Variants in HRH2 observed in about 807,000 individuals in gnomAD.
HRH2 encodes the protein histamine receptor H2.
A neutral mutation model predicts 20.1 loss-of-function variants in HRH2; 4 were observed. That is an observed-to-expected ratio of 0.20 (90% CI 0.10 to 0.45). HRH2 has a LOEUF of 0.45. HRH2 is among the 20% of genes least tolerant of loss of function. The pLI is 0.99. For missense variants in HRH2, 250 were observed against 461.6 expected (o/e 0.54, Z 4.20); for synonymous variants, 197 against 200.7 (o/e 0.98, Z 0.16).
intron 1 of HRH2, among the ~76,000 whole-genome samples, chr5:175,669,946 T>G (rs984938708): frequency 2.6e-5 from 4 of 152,236 alleles, no homozygotes. Flanking sequence ...GACACTTCTG[T>G]GACTTGATGC....
intron 1 of HRH2, among the ~76,000 whole-genome samples, chr5:175,658,361 C>A (rs1011836985): frequency 2.6e-5 from 4 of 152,164 alleles, no homozygotes; most frequent in Non-Finnish European, 5.9e-5. Context: ...GCCTGGCCTG[C>A]GAGCCTCAGT....
rs756759549 is a variant in HRH2, at chr5:175,684,334, C to T, written c.1076+25C>T. 105 of 1,606,858 alleles carry T rather than the reference C, an allele frequency of 6.5e-5. 1 individual carries two copies. In the South Asian group the frequency reaches 1.1e-3, roughly 17 times the overall value. On this transcript the variant is annotated intron_variant, in intron 2 of 2. Coordinates refer to ENST00000636584, the MANE Select transcript of HRH2 (RefSeq NM_001367711.1). Reference sequence around the variant, plus strand: ...GGTAATAGCCCTAGCCATTGGTGCACAGGATGGGGGCAATGGGAGGGGATG... The same window carrying T: ...GGTAATAGCCCTAGCCATTGGTGCATAGGATGGGGGCAATGGGAGGGGATG...
chr5:175,665,234 C>T lies in HRH2; in HGVS notation c.-526+7079C>T, dbSNP rs1762851522. Among the ~76,000 whole-genome samples, 7 of 152,146 alleles carry T rather than the reference C, an allele frequency of 4.6e-5. No homozygotes were observed. In the South Asian group the frequency reaches 1.5e-3, roughly 32 times the overall value. On this transcript the variant is annotated intron_variant, in intron 1 of 2. Coordinates refer to ENST00000636584, the MANE Select transcript of HRH2 (RefSeq NM_001367711.1). The stretch of plus-strand genomic sequence containing the variant: ...ATGACACAGGAACAGCTGATGCCAG[C>T]CTCCCGGGGTTCCTGCTACGACCGA...
intron 2 of HRH2, among the ~76,000 whole-genome samples, chr5:175,692,824 C>G (rs1159637198): frequency 6.6e-6 from 1 of 152,178 alleles, no homozygotes; most frequent in African/African-American, 2.4e-5. Context: ...TGCCAACCCC[C>G]CAACTGTGTT....
chr5:175,706,995 G>A (rs1368778924), intron 2 of HRH2, among the ~76,000 whole-genome samples: 1 of 152,142 alleles, frequency 6.6e-6, no homozygotes, highest in East Asian at 1.9e-4. Flanking sequence ...CCCAACTCGG[G>A]GCATGCTGCA....
chr5:175,667,803 A>G (rs1762952835), intron 1 of HRH2, among the ~76,000 whole-genome samples: 1 of 152,186 alleles, frequency 6.6e-6, no homozygotes, highest in South Asian at 2.1e-4. Flanking sequence ...AATATTGCCT[A>G]TTGTCGAGAA....
chr5:175,687,341 C>T lies in HRH2; in HGVS notation c.1076+3032C>T, dbSNP rs1358643859. 1.3e-5 allele frequency among the ~76,000 whole-genome samples: 2 copies of T among 152,194 alleles called. No homozygotes were observed. The highest frequency in any genetic ancestry group is 2.9e-5 in the Non-Finnish European group (2 of 68,036). ...CTCCAGCTCTCCGTCTGGGGACAAA[C>T]CCGCACTGACCCAGAGCCGTTATCA... On this transcript the variant is annotated intron_variant, in intron 2 of 2. Transcript: ENST00000636584. The surrounding 1 kb of genome is among the most constrained non-coding windows in gnomAD (Gnocchi z 5.2).
intron 2 of HRH2, among the ~76,000 whole-genome samples, chr5:175,706,890 G>A (rs908240454): frequency 6.6e-6 from 1 of 152,232 alleles, no homozygotes; most frequent in Non-Finnish European, 1.5e-5. Flanking sequence ...GTGGAAGGGG[G>A]AGGGAGCAGT....
chr5:175,662,498 G>T (rs1233911174), intron 1 of HRH2, among the ~76,000 whole-genome samples: 7 of 152,126 alleles, frequency 4.6e-5, no homozygotes, highest in Non-Finnish European at 8.8e-5. Flanking sequence ...TCCTGACCAG[G>T]GATCAGCTGG....
intron 1 of HRH2, among the ~76,000 whole-genome samples, chr5:175,665,941 C>A (rs1288121880): frequency 6.6e-6 from 1 of 152,092 alleles, no homozygotes; most frequent in Non-Finnish European, 1.5e-5. Flanking sequence ...AATGAGATTT[C>A]ATTGAAAAGT....
intron 1 of HRH2, among the ~76,000 whole-genome samples, chr5:175,669,910 A>G (rs1161979284): frequency 6.6e-6 from 1 of 152,264 alleles, no homozygotes; most frequent in Non-Finnish European, 1.5e-5. Context: ...TTTACCGTTC[A>G]TGGACTGAAG....
chr5:175,693,552 A>C lies in HRH2; in HGVS notation c.1076+9243A>C, dbSNP rs7710519. 0.11 allele frequency among the ~76,000 whole-genome samples: 16,082 copies of C among 152,212 alleles called. 1,628 individuals carry two copies. Among genetic ancestry groups the C allele is most frequent in the African/African-American group, 0.26 (10,644 of 41,494 alleles). ...TCCCTTTGTTACCCAGGGTGGGTGG[A>C]CTGGCTGTCCCCAGTGCCCAGAGGA... On this transcript the variant is annotated intron_variant, in intron 2 of 2. Coordinates refer to ENST00000636584, the MANE Select transcript of HRH2 (RefSeq NM_001367711.1). This position sits in a 1 kb window ranked among gnomAD's most constrained non-coding sequence, Gnocchi z 4.4.
At chr5:175,661,510 TCTAA>T (rs1282664656) in intron 1 of HRH2, among the ~76,000 whole-genome samples, 1 of 152,206 alleles carries the variant, frequency 6.6e-6, no homozygotes, top group Non-Finnish European at 1.5e-5. Context: ...TTGCCCAGTA[TCTAA>T]CAGAATTCGA....
At chr5:175,658,713 G>GGATGACC (rs60702782) in intron 1 of HRH2, among the ~76,000 whole-genome samples, 12,002 of 152,132 alleles carry the variant, frequency 0.079, 820 homozygotes, top group African/African-American at 0.19. Flanking sequence ...GCCCGCTGCC[G>GGATGACC]GATGACCGAT....
Position 175,707,893 on chromosome 5 carries a change from G to A in HRH2, c.1191G>A (p.Ser397=), listed in dbSNP as rs995091868. The stretch of plus-strand genomic sequence containing the variant: ...TGGGAGGCCCCTCGGAGGAGCTATC[G>A]GGGGAGCCACTGTCTGAGGAGCCAC... ...RHMGGPSEEL[S]GEPLSEEPQK... is the part of the protein sequence containing the mutation. The change falls in exon 3 of 3, where the codon TCG becomes TCA. Residue 397 remains serine, a synonymous_variant. Coordinates refer to ENST00000636584, the MANE Select transcript of HRH2 (RefSeq NM_001367711.1). The A allele has an allele frequency of 2.5e-5, 10 of 399,094 alleles. No individual in the cohort carries two copies. The highest frequency in any genetic ancestry group is 1.3e-4 in the South Asian group (1 of 7,858). The allele number at this position is 399,094 out of a possible 1,614,324, so 24.7% of individuals were successfully genotyped here.
At position 175,707,776 on chromosome 5, in the gene HRH2, C is replaced by T. The variant is rs1756990609; in HGVS notation, c.1077-3C>T. 5.0e-6 allele frequency: 2 copies of T among 399,120 alleles called. No individual in the cohort carries two copies. Among genetic ancestry groups the T allele is most frequent in the Non-Finnish European group, 4.4e-6 (1 of 226,230 alleles). The allele number at this position is 399,120 out of a possible 1,614,324, so 24.7% of individuals were successfully genotyped here. ...AGCCTGGCATGTGCTTGTGTCTCCT[C>T]AGGAAGCCAGCACTGTCCTGCACTA... On this transcript the variant is annotated splice_region_variant and splice_polypyrimidine_tract_variant and intron_variant, in intron 2 of 2. Coordinates refer to ENST00000636584, the MANE Select transcript of HRH2 (RefSeq NM_001367711.1).
At chr5:175,673,160 C>T (rs369368213) in intron 1 of HRH2, among the ~76,000 whole-genome samples, 1 of 152,100 alleles carries the variant, frequency 6.6e-6, no homozygotes, top group South Asian at 2.1e-4. Flanking sequence ...GGACCTGTCT[C>T]AAAACTTCAG....
In HRH2 at chr5:175,684,090, T is replaced by C. The variant is rs758883133; in HGVS notation, c.857T>C (p.Ile286Thr). The change falls in exon 2 of 3, where the codon ATC becomes ACC. Residue 286 changes from isoleucine (I) to threonine (T), a missense_variant. By Grantham distance (89) the Ile-to-Thr change is moderately conservative. Around this residue, in one of 5 missense-constraint regions of HRH2, gnomAD observed 58 missense variants for 166.8 expected, o/e 0.35. Transcript: ENST00000636584. ...TATGCCAACTCAGCCCTGAACCCCA[T>C]CCTGTATGCTGCGCTGAACAGAGAC... is the stretch of plus-strand genomic sequence containing the variant. ...LGYANSALNP[I>T]LYAALNRDFR... 1 of 1,614,146 alleles carries C rather than the reference T, an allele frequency of 6.2e-7. No individual in the cohort carries two copies.
At chr5:175,679,231 A>T (rs1392552016) in intron 1 of HRH2, among the ~76,000 whole-genome samples, 2 of 152,024 alleles carry the variant, frequency 1.3e-5, no homozygotes, top group African/African-American at 4.8e-5. Context: ...ATCACCAAGG[A>T]CTCCACTGAG....
Sources: gnomAD v4.1 joint callset for allele counts (sites outside exome capture counted in the v4.1 genomes callset) on GRCh38, gnomAD v4.1.1 for gene constraint, gnomAD v4.1.1 regional missense constraint, Gnocchi (gnomAD v3.1) non-coding constraint, MANE v1.5 for transcripts, NCBI Gene and HGNC (gene_info 2026-07-23, HGNC 2026-07-21) for gene names.